Variants in CSGALNACT1 observed in about 807,000 individuals in gnomAD.
The protein encoded by CSGALNACT1 is chondroitin sulfate N-acetylgalactosaminyltransferase 1, also known as beta4GalNAcT-1.
In CSGALNACT1, 52 loss-of-function variants were observed where a neutral mutation model predicts 51.0. The ratio of observed to expected loss-of-function variants is 1.02; its 90% CI spans 0.82 to 1.29. CSGALNACT1 has a LOEUF of 1.29. CSGALNACT1 is among the 50% of genes most tolerant of loss of function. The pLI is 0.00. For missense variants in CSGALNACT1, 935 were observed against 679.2 expected (o/e 1.38, Z -4.19); for synonymous variants, 341 against 254.4 (o/e 1.34, Z -3.24).
chr8:19,738,693 A>T (rs2154249156), intron 1 of CSGALNACT1, among the ~76,000 whole-genome samples: 1 of 152,330 alleles, frequency 6.6e-6, no homozygotes, highest in East Asian at 1.9e-4. Context: ...CAAAATAAAA[A>T]CATAAGGAAG....
At chr8:19,520,427 C>T (rs1421148648) in intron 3 of CSGALNACT1, among the ~76,000 whole-genome samples, 4 of 152,238 alleles carry the variant, frequency 2.6e-5, no homozygotes, top group Admixed American at 2.6e-4. Context: ...TCCAGCCTCC[C>T]CAGGCCTATG....
chr8:19,748,557 A>T (rs1208228007), intron 1 of CSGALNACT1, among the ~76,000 whole-genome samples: 1 of 152,186 alleles, frequency 6.6e-6, no homozygotes, highest in South Asian at 2.1e-4. Flanking sequence ...TGACACATAT[A>T]TTAAGGATTT....
rs191131007 is a variant in CSGALNACT1, at chr8:19,639,950, C to G, written c.-543-38085G>C. On this transcript the variant is annotated intron_variant, in intron 1 of 9. Coordinates refer to the CSGALNACT1 transcript ENST00000332246. ...AGGCTGGAATGCAGTGGTACAATCA[C>G]TGTCCATTGCAGCCCAGACCTCCCT... 5.3e-5 allele frequency among the ~76,000 whole-genome samples: 8 copies of G among 151,972 alleles called. No homozygotes were observed. In the East Asian group the frequency reaches 1.6e-3, roughly 29 times the overall value.
intron 1 of CSGALNACT1, among the ~76,000 whole-genome samples, chr8:19,623,103 T>C (rs1258665669): frequency 6.6e-6 from 1 of 152,150 alleles, no homozygotes; most frequent in Non-Finnish European, 1.5e-5. Context: ...GGATATAGAA[T>C]ATTTGACAGT....
At chr8:19,680,177 G>C (rs1445086550) in intron 1 of CSGALNACT1, among the ~76,000 whole-genome samples, 2 of 152,020 alleles carry the variant, frequency 1.3e-5, no homozygotes, top group Non-Finnish European at 2.9e-5. Context: ...CTGCATCCAT[G>C]GGCTCCTCTG....
At chr8:19,466,565 G>A (rs1042014239) in intron 4 of CSGALNACT1, among the ~76,000 whole-genome samples, 3 of 152,082 alleles carry the variant, frequency 2.0e-5, no homozygotes, top group African/African-American at 2.4e-5. Context: ...CTGCTCAGAT[G>A]GCATATCGCA....
intron 1 of CSGALNACT1, among the ~76,000 whole-genome samples, chr8:19,750,916 A>C (rs2064988395): frequency 6.6e-6 from 1 of 152,166 alleles, no homozygotes; most frequent in Non-Finnish European, 1.5e-5. Flanking sequence ...ATCGGAAGTT[A>C]GATGTTAAAC....
At chr8:19,658,960 C>T (rs1057148727) in intron 1 of CSGALNACT1, among the ~76,000 whole-genome samples, 4 of 152,170 alleles carry the variant, frequency 2.6e-5, no homozygotes, top group African/African-American at 9.7e-5. Context: ...TAGCTAGTTA[C>T]ACCTGTTGGA....
chr8:19,635,017 G>A (rs1196988430), intron 1 of CSGALNACT1, among the ~76,000 whole-genome samples: 1 of 152,226 alleles, frequency 6.6e-6, no homozygotes, highest in African/African-American at 2.4e-5. Context: ...CATGTTAAAT[G>A]TTTTAAGTAA....
intron 5 of CSGALNACT1, among the ~76,000 whole-genome samples, chr8:19,454,876 C>G (rs1470406794): frequency 6.6e-6 from 1 of 152,132 alleles, no homozygotes; most frequent in Non-Finnish European, 1.5e-5. Flanking sequence ...TAATGTCTCT[C>G]ACAGTGAAGA....
At chr8:19,463,921 C>A (rs2066104203) in intron 4 of CSGALNACT1, among the ~76,000 whole-genome samples, 1 of 152,186 alleles carries the variant, frequency 6.6e-6, no homozygotes, top group Non-Finnish European at 1.5e-5. Flanking sequence ...AATGTCTATT[C>A]CTTCAGTAGG....
At chr8:19,422,555 T>C (rs1355519528) in intron 6 of CSGALNACT1, among the ~76,000 whole-genome samples, 1 of 152,242 alleles carries the variant, frequency 6.6e-6, no homozygotes, top group African/African-American at 2.4e-5. Context: ...CTCTTCCTCT[T>C]TCAGAACTTT....
At chr8:19,442,105 T>G (rs1014677902) in intron 5 of CSGALNACT1, among the ~76,000 whole-genome samples, 10 of 150,970 alleles carry the variant, frequency 6.6e-5, no homozygotes, top group African/African-American at 2.5e-4. Context: ...TAGGAACACT[T>G]TTTACACTGT....
chr8:19,507,827 C>G (rs982031483), intron 3 of CSGALNACT1, among the ~76,000 whole-genome samples: 7 of 152,288 alleles, frequency 4.6e-5, no homozygotes, highest in African/African-American at 1.7e-4. Context: ...CGGGGTTTCA[C>G]CATGTTGGCC....
intron 1 of CSGALNACT1, among the ~76,000 whole-genome samples, chr8:19,665,331 A>G (rs1469536450): frequency 1.3e-5 from 2 of 152,208 alleles, no homozygotes; most frequent in Non-Finnish European, 2.9e-5. Context: ...ATTCACAGCC[A>G]AGTTACATTA....
chr8:19,507,379 A>G (rs906152894), intron 3 of CSGALNACT1, among the ~76,000 whole-genome samples: 1 of 151,970 alleles, frequency 6.6e-6, no homozygotes, highest in South Asian at 2.1e-4. Context: ...TCAACAAATG[A>G]GAAGCCAGTC....
chr8:19,519,250 C>G (rs969488127), intron 3 of CSGALNACT1, among the ~76,000 whole-genome samples: 3 of 152,188 alleles, frequency 2.0e-5, no homozygotes, highest in Non-Finnish European at 4.4e-5. Context: ...CACCTGTTGT[C>G]TCACTTAAAC....
chr8:19,676,202 G>A (rs1256689437), intron 1 of CSGALNACT1, among the ~76,000 whole-genome samples: 1 of 151,432 alleles, frequency 6.6e-6, no homozygotes, highest in Non-Finnish European at 1.5e-5. Context: ...AAGAAATGGA[G>A]AAATGTCACC....
At chr8:19,427,516 T>G (rs924224514) in intron 6 of CSGALNACT1, among the ~76,000 whole-genome samples, 1 of 151,966 alleles carries the variant, frequency 6.6e-6, no homozygotes, top group Non-Finnish European at 1.5e-5. Context: ...CAGCCGGGTG[T>G]GGTGGCTCAT....
Sources: gnomAD v4.1 joint callset for allele counts (sites outside exome capture counted in the v4.1 genomes callset) on GRCh38, gnomAD v4.1.1 for gene constraint, MANE v1.5 for transcripts, NCBI Gene and HGNC (gene_info 2026-07-23, HGNC 2026-07-21) for gene names.